Variants in DOCK9 observed in about 807,000 individuals in gnomAD.
The protein encoded by DOCK9 is dedicator of cytokinesis 9.
DOCK9 carries 89 observed loss-of-function variants against 263.3 expected under a neutral mutation model. The ratio of observed to expected loss-of-function variants is 0.34; its 90% CI spans 0.28 to 0.40. The LOEUF (loss-of-function observed/expected upper bound fraction) is 0.40. Ranked by LOEUF, DOCK9 falls within the 10% of genes least tolerant of loss-of-function variation. The pLI, the probability that DOCK9 is intolerant of heterozygous loss-of-function variation, is 1.00. For synonymous variants in DOCK9, 976 were observed against 973.1 expected, an observed-to-expected ratio of 1.00 and a Z score of -0.06; for missense variants, 2,140 against 2,603.4, an observed-to-expected ratio of 0.82 and a Z score of 3.87.
chr13:99,030,372 A>G (rs376770221), intron 1 of DOCK9, among the ~76,000 whole-genome samples: 124 of 152,364 alleles, frequency 8.1e-4, no homozygotes, highest in African/African-American at 2.8e-3. Context: ...GTACATATAT[A>G]ATTGCATGTA....
chr13:99,063,876 A>T (rs1245795324), intron 1 of DOCK9, among the ~76,000 whole-genome samples: 1 of 151,728 alleles, frequency 6.6e-6, no homozygotes, highest in African/African-American at 2.4e-5. Flanking sequence ...CAGGTCAGTT[A>T]TAAACAGTTG....
upstream of DOCK9, among the ~76,000 whole-genome samples, chr13:98,982,343 G>A (rs985492904): frequency 6.6e-6 from 1 of 152,154 alleles, no homozygotes; most frequent in African/African-American, 2.4e-5. Context: ...TTAGTGGAAG[G>A]AGTGACTCTC....
chr13:98,849,755 C>A (rs1414899137), intron 36 of DOCK9, among the ~76,000 whole-genome samples: 1 of 152,196 alleles, frequency 6.6e-6, no homozygotes, highest in Non-Finnish European at 1.5e-5. Flanking sequence ...GCAGTATCTA[C>A]CCAATTCAGC....
At chr13:99,083,402 A>T in intron 1 of DOCK9, among the ~76,000 whole-genome samples, 1 of 152,230 alleles carries the variant, frequency 6.6e-6, no homozygotes, top group East Asian at 1.9e-4. Context: ...CATACTAACA[A>T]GTTGTTAATT....
intron 1 of DOCK9, among the ~76,000 whole-genome samples, chr13:99,035,625 A>C (rs1349145056): frequency 1.3e-5 from 2 of 152,208 alleles, no homozygotes; most frequent in Non-Finnish European, 2.9e-5. Flanking sequence ...GGACCCCAAA[A>C]TGGTAGAGTC....
At chr13:98,805,810 G>T (rs1451559539) in intron 48 of DOCK9, among the ~76,000 whole-genome samples, 1 of 152,146 alleles carries the variant, frequency 6.6e-6, no homozygotes, top group Non-Finnish European at 1.5e-5. Flanking sequence ...TGCCCAGGCT[G>T]GAGTGCAATG....
intron 1 of DOCK9, among the ~76,000 whole-genome samples, chr13:99,085,346 A>C (rs891408075): frequency 6.6e-6 from 1 of 152,260 alleles, no homozygotes; most frequent in Non-Finnish European, 1.5e-5. Context: ...GGAGCTGCTA[A>C]AAGTTTCCAG....
chr13:98,883,909 A>T lies in DOCK9; in HGVS notation c.2383-10T>A. 6.3e-7 allele frequency: 1 copy of T among 1,588,426 alleles called. No individual in the cohort carries two copies. The highest frequency in any genetic ancestry group is 8.6e-7 in the Non-Finnish European group (1 of 1,162,816). On this transcript the variant is annotated splice_polypyrimidine_tract_variant and intron_variant, in intron 21 of 52. Coordinates refer to ENST00000682017, the MANE Select transcript of DOCK9 (RefSeq NM_001366683.2). ...TTTCCGGACCATAATGCTAAAAAAA[A>T]TATGGAAGAAACAATATCCCTACAG...
intron 45 of DOCK9, among the ~76,000 whole-genome samples, chr13:98,812,423 GAATT>G (rs1405556957): frequency 2.0e-5 from 3 of 150,434 alleles, no homozygotes; most frequent in African/African-American, 7.3e-5. Context: ...TTAGAATTTG[GAATT>G]AATCCAATCA....
At chr13:98,800,200 A>T in intron 50 of DOCK9, 88 bp downstream of exon 50, 1 of 1,380,924 alleles carries the variant, frequency 7.2e-7, no homozygotes, top group Non-Finnish European at 9.7e-7. Flanking sequence ...GAGGCTCTCA[A>T]GTAGACCTTG....
intron 13 of DOCK9, among the ~76,000 whole-genome samples, chr13:98,901,456 T>C (rs550669612): frequency 2.8e-4 from 43 of 152,242 alleles, no homozygotes; most frequent in African/African-American, 9.9e-4. Context: ...AAGAGGCAAA[T>C]TAACAGATAG....
chr13:99,079,674 C>T (rs2142458860), intron 1 of DOCK9, among the ~76,000 whole-genome samples: 1 of 152,346 alleles, frequency 6.6e-6, no homozygotes, highest in East Asian at 1.9e-4. Context: ...CTCAGCCAAT[C>T]AGTGGCAAAG....
At chr13:99,048,108 T>C (rs1030528266) in intron 1 of DOCK9, among the ~76,000 whole-genome samples, 1 of 152,254 alleles carries the variant, frequency 6.6e-6, no homozygotes, top group African/African-American at 2.4e-5. Flanking sequence ...TGAGAACATA[T>C]TCCATTGTAT....
rs754298254 is a variant in DOCK9 at position 98,797,464 on chromosome 13, G to A, written c.5942C>T (p.Ala1981Val). Residue 1981 changes from alanine to valine, a missense_variant, in exon 51 of 53, where the codon GCG (alanine) becomes GTG (valine). Transcript: ENST00000682017. ...VQVNAGPLAYARAFLDDTNTK... is the reference protein window; with the variant it reads ...VQVNAGPLAYVRAFLDDTNTK... ...GTTTGTATCATCTAAGAAAGCTCGCGCATATGCTAGTGGGCCAGCATTGAC... is the reference window on the plus strand; with the variant it reads ...GTTTGTATCATCTAAGAAAGCTCGCACATATGCTAGTGGGCCAGCATTGAC... 3.7e-6 allele frequency: 6 copies of A among 1,612,102 alleles called. No individual in the cohort carries two copies. Among genetic ancestry groups the A allele is most frequent in the African/African-American group, 2.7e-5 (2 of 74,892 alleles).
intron 1 of DOCK9, among the ~76,000 whole-genome samples, chr13:99,073,203 C>T (rs2041758815): frequency 1.3e-5 from 2 of 152,094 alleles, no homozygotes; most frequent in South Asian, 4.2e-4. Context: ...TTTGCCCAGC[C>T]CACCCTGCAT....
At chr13:98,847,678 A>T (rs2093430573) in intron 37 of DOCK9, 1 of 152,244 alleles carries the variant, frequency 6.6e-6, no homozygotes, top group South Asian at 2.1e-4. Flanking sequence ...CATCACTATA[A>T]GACAAAATTG....
chr13:98,899,229 C>T (rs1337048021), intron 13 of DOCK9, among the ~76,000 whole-genome samples: 1 of 152,076 alleles, frequency 6.6e-6, no homozygotes. Context: ...TCTGACAAGA[C>T]CTCCGGTGAT....
chr13:99,027,997 C>T (rs1471355133), intron 1 of DOCK9, among the ~76,000 whole-genome samples: 1 of 152,246 alleles, frequency 6.6e-6, no homozygotes, highest in African/African-American at 2.4e-5. Flanking sequence ...CATGCTTTGA[C>T]TCACCTGTCT....
intron 1 of DOCK9, among the ~76,000 whole-genome samples, chr13:99,080,171 G>A (rs370584903): frequency 2.1e-4 from 32 of 152,198 alleles, no homozygotes; most frequent in African/African-American, 6.7e-4. Flanking sequence ...TGTTCTGTAA[G>A]GTAGGGCTCC....
Sources: gnomAD v4.1 joint callset for allele counts (sites outside exome capture counted in the v4.1 genomes callset) on GRCh38, gnomAD v4.1.1 for gene constraint, MANE v1.5 for transcripts, NCBI Gene and HGNC (gene_info 2026-07-23, HGNC 2026-07-21) for gene names.